Variants in DMXL1 observed in about 807,000 individuals in gnomAD.
DMXL1 encodes Dmx like 1, also known as dmX-like protein 1.
DMXL1 carries 99 observed loss-of-function variants against 319.2 expected under a neutral mutation model. The ratio of observed to expected loss-of-function variants is 0.31; its 90% CI spans 0.26 to 0.37. The LOEUF (loss-of-function observed/expected upper bound fraction) is 0.37. Among genes scored for constraint, DMXL1 ranks in the 10% least tolerant of loss-of-function variants. The probability of loss-of-function intolerance (pLI) is 1.00; values close to 1 mark genes in which losing one functional copy is unlikely to be tolerated. For synonymous variants in DMXL1, 1,385 were observed against 1,235.2 expected, an observed-to-expected ratio of 1.12 and a Z score of -2.54; for missense variants, 3,745 against 3,595.6, an observed-to-expected ratio of 1.04 and a Z score of -1.06.
chr5:119,141,265 A>G (rs536872065), intron 13 of DMXL1, among the ~76,000 whole-genome samples: 16 of 152,000 alleles, frequency 1.1e-4, no homozygotes, highest in Non-Finnish European at 1.9e-4. Flanking sequence ...AGCAATCAGG[A>G]AAGAGGAATA....
chr5:119,177,885 G>GTAT, intron 27 of DMXL1, 111 bp from the exon 28 acceptor site: 1 of 972,956 alleles, frequency 1.0e-6, no homozygotes, highest in East Asian at 2.7e-5. Flanking sequence ...AGAAAATACA[G>GTAT]TATTAACTCC....
intron 13 of DMXL1, among the ~76,000 whole-genome samples, chr5:119,136,282 G>C (rs1765972979): frequency 6.6e-6 from 1 of 152,222 alleles, no homozygotes; most frequent in Non-Finnish European, 1.5e-5. Context: ...AGGTCACCTG[G>C]CTTATTCTGA....
chr5:119,121,939 G>A (rs1382758578), intron 9 of DMXL1, among the ~76,000 whole-genome samples: 1 of 148,454 alleles, frequency 6.7e-6, no homozygotes, highest in Non-Finnish European at 1.5e-5. Flanking sequence ...CTCCCGGACG[G>A]GGCGGCTGGC....
chr5:119,118,103 T>G (rs1000406232), intron 7 of DMXL1, among the ~76,000 whole-genome samples: 2 of 152,222 alleles, frequency 1.3e-5, no homozygotes, highest in Non-Finnish European at 2.9e-5. Context: ...ATGTAATTGA[T>G]TTTTGCTTTT....
intron 16 of DMXL1, 83 bp from the exon 17 acceptor site, chr5:119,147,166 G>C (rs1169214920): frequency 1.0e-5 from 13 of 1,272,060 alleles, no homozygotes; most frequent in Non-Finnish European, 1.4e-5. Flanking sequence ...TTACAAGGCA[G>C]TTTTGGATTG....
Position 119,147,392 on chromosome 5 carries a change from C to G in DMXL1, c.2833C>G (p.Leu945Val), listed in dbSNP as rs1768817089. The change falls in exon 17 of 44, where the codon CTG becomes GTG. Residue 945 changes from leucine (L) to valine (V), a missense_variant. Around this residue, in one of 4 missense-constraint regions of DMXL1, gnomAD observed 2,096 missense variants for 1,985.4 expected, o/e 1.06. Coordinates refer to ENST00000539542, the MANE Select transcript of DMXL1 (RefSeq NM_001290321.3). The stretch of plus-strand genomic sequence containing the variant: ...TCTCCAGAGTACCAGCAGGTTGACT[C>G]TGTTTTCAGAAATGGTTTATAGCCA... ...ANLQSTSRLT[L>V]FSEMVYSQEL... is the part of the protein sequence containing the mutation. 6.2e-7 allele frequency: 1 copy of G among 1,613,556 alleles called. No homozygotes were observed. The highest frequency in any genetic ancestry group is 2.2e-5 in the East Asian group (1 of 44,852).
At chr5:119,240,604 G>A in intron 42 of DMXL1, 133 bp downstream of exon 42, 1 of 632,614 alleles carries the variant, frequency 1.6e-6, no homozygotes, top group Non-Finnish European at 2.7e-6. Context: ...CAGGATGGCA[G>A]GATTTGAAAG....
In DMXL1 at chr5:119,134,057, C is replaced by T. The variant is rs772602577; in HGVS notation, c.2133C>T (p.Asp711=). 1.2e-6 allele frequency: 2 copies of T among 1,614,052 alleles called. No individual in the cohort carries two copies. The highest frequency in any genetic ancestry group is 1.1e-5 in the South Asian group (1 of 91,080). The change falls in exon 12 of 44, where the codon GAC becomes GAT. Residue 711 remains aspartate, a synonymous_variant. Transcript: ENST00000539542. ...GTGAGCTTATTCTGTGGAGGGTTGA[C>T]CCAGTTGGGCCATTGTCTTTTTCTG... ...VYSELILWRV[D]PVGPLSFSGG...
intron 34 of DMXL1, 118 bp from the exon 35 acceptor site, chr5:119,216,783 A>G: frequency 1.5e-6 from 1 of 652,746 alleles, no homozygotes; most frequent in Non-Finnish European, 2.7e-6. Flanking sequence ...TACCTTTAGA[A>G]TTGAAATATC....
chr5:119,169,848 T>A (rs2150255632), intron 23 of DMXL1, among the ~76,000 whole-genome samples: 1 of 152,062 alleles, frequency 6.6e-6, no homozygotes, highest in East Asian at 1.9e-4. Context: ...GTAGAGAAGA[T>A]GAGGAGGACT....
Position 119,071,412 on chromosome 5 carries a change from G to C in DMXL1, c.-158G>C. 1.4e-6 allele frequency: 1 copy of C among 705,952 alleles called. No individual in the cohort carries two copies. The highest frequency in any genetic ancestry group is 2.4e-6 in the Non-Finnish European group (1 of 422,542). 43.7% of individuals were successfully genotyped at this position (705,952 alleles called of 1,614,324 possible). A position where few individuals can be genotyped will look rare whatever the true frequency, so the allele number is the denominator to read the frequency against. On this transcript the variant is annotated 5_prime_UTR_variant, in exon 1 of 44. Transcript: ENST00000539542. ...CCTCCGGGGCTCGGGATGAGTCGCGGGCCCCAGCTGAGCGGCTCCGGCTCC... is the reference window on the plus strand; with the variant it reads ...CCTCCGGGGCTCGGGATGAGTCGCGCGCCCCAGCTGAGCGGCTCCGGCTCC...
rs1278308707 is a variant in DMXL1, at chr5:119,152,753, G to T, written c.4702+717G>T. Reference sequence around the variant, plus strand: ...TGTTTTTTGGCTCATCTCCCGGGAAGTTCAAGAAATAGAGCTGACTTTCAG... The same window carrying T: ...TGTTTTTTGGCTCATCTCCCGGGAATTTCAAGAAATAGAGCTGACTTTCAG... On this transcript the variant is annotated intron_variant, in intron 19 of 43. Coordinates refer to ENST00000539542, the MANE Select transcript of DMXL1 (RefSeq NM_001290321.3). Among the ~76,000 whole-genome samples the T allele has an allele frequency of 5.3e-5, 8 of 152,272 alleles. No homozygotes were observed. The East Asian group carries it at 1.4e-3, about 26-fold the overall frequency.
intron 29 of DMXL1, among the ~76,000 whole-genome samples, chr5:119,193,144 A>T (rs545939151): frequency 1.3e-5 from 2 of 152,274 alleles, no homozygotes; most frequent in Admixed American, 6.5e-5. Context: ...TATACTTAGC[A>T]TATAAACCTC....
At chr5:119,125,677 G>A (rs1186999578) in intron 9 of DMXL1, among the ~76,000 whole-genome samples, 1 of 151,862 alleles carries the variant, frequency 6.6e-6, no homozygotes, top group Non-Finnish European at 1.5e-5. Flanking sequence ...CCATTCTCCT[G>A]CCTCTGCCTC....
chr5:119,117,093 G>T (rs561495423), intron 7 of DMXL1, among the ~76,000 whole-genome samples: 8 of 152,204 alleles, frequency 5.3e-5, no homozygotes, highest in Admixed American at 3.9e-4. Flanking sequence ...CGGTGCCCCA[G>T]TCATGGCTCA....
At chr5:119,185,290 C>A (rs1333012121) in intron 28 of DMXL1, among the ~76,000 whole-genome samples, 6 of 152,072 alleles carry the variant, frequency 3.9e-5, no homozygotes, top group Non-Finnish European at 8.8e-5. Flanking sequence ...CTTCCATATT[C>A]TGGTGAATCA....
chr5:119,130,977 C>T (rs1296337496), intron 10 of DMXL1, among the ~76,000 whole-genome samples: 4 of 151,304 alleles, frequency 2.6e-5, no homozygotes, highest in Non-Finnish European at 5.9e-5. Flanking sequence ...ACATCCTTAT[C>T]AACATTGGAT....
At chr5:119,172,590 T>C (rs1025181372) in intron 25 of DMXL1, among the ~76,000 whole-genome samples, 4 of 152,256 alleles carry the variant, frequency 2.6e-5, no homozygotes, top group African/African-American at 4.8e-5. Context: ...TATATTGTTA[T>C]AGTTAATTGT....
chr5:119,200,989 G>T (rs1253958775), intron 32 of DMXL1, among the ~76,000 whole-genome samples: 2 of 152,102 alleles, frequency 1.3e-5, no homozygotes, highest in African/African-American at 2.4e-5. Flanking sequence ...GGGTTTTCTA[G>T]ATATAGAATC....
Sources: allele counts gnomAD v4.1 joint callset (sites outside exome capture counted in the v4.1 genomes callset), GRCh38; gene constraint gnomAD v4.1.1; regional missense constraint gnomAD v4.1.1; transcripts MANE v1.5; gene names NCBI Gene and HGNC (gene_info 2026-07-23, HGNC 2026-07-21).